The following AOPEP variants were observed in gnomAD, a reference collection of about 807,000 sequenced individuals.
The protein encoded by AOPEP is aminopeptidase O.
In AOPEP, 77 loss-of-function variants were observed where a neutral mutation model predicts 98.1. The observed-to-expected ratio is 0.78, with a 90% CI of 0.65 to 0.95. The LOEUF (loss-of-function observed/expected upper bound fraction) is 0.95, where lower values mean the gene tolerates loss of function less well. Among genes scored for constraint, AOPEP ranks in the 40% least tolerant of loss-of-function variants. The probability of loss-of-function intolerance (pLI) is 0.00; values close to 1 mark genes in which losing one functional copy is unlikely to be tolerated. For synonymous variants in AOPEP, 346 were observed against 365.3 expected (o/e 0.95, Z 0.60); for missense variants, 1,024 against 1,024.7 (o/e 1.00, Z 0.01).
intron 5 of AOPEP, among the ~76,000 whole-genome samples, chr9:94,821,195 G>A (rs1159965147): frequency 1.3e-5 from 2 of 152,012 alleles, no homozygotes; most frequent in Non-Finnish European, 2.9e-5. Context: ...TATTTATTTA[G>A]GTGGTGCCTT....
chr9:95,123,558 A>G, the AOPEP span: 1 of 548,706 alleles, frequency 1.8e-6, no homozygotes. Flanking sequence ...CGTACCAAAA[A>G]GGGCCGCGGC....
chr9:95,039,286 G>T (rs2065089608), intron 13 of AOPEP, among the ~76,000 whole-genome samples: 1 of 152,120 alleles, frequency 6.6e-6, no homozygotes, highest in Non-Finnish European at 1.5e-5. Flanking sequence ...GAAATTGTTG[G>T]CCAGGTGCGG....
At chr9:94,793,044 T>A in intron 4 of AOPEP, 126 bp downstream of exon 4, 1 of 1,100,538 alleles carries the variant, frequency 9.1e-7, no homozygotes, top group African/African-American at 1.6e-5. Context: ...AAAATAGGAT[T>A]AATCAAAGCA....
intron 3 of AOPEP, among the ~76,000 whole-genome samples, chr9:94,783,657 G>A (rs931140223): frequency 4.6e-5 from 7 of 152,036 alleles, no homozygotes; most frequent in African/African-American, 1.4e-4. Flanking sequence ...TCTCCTTTTC[G>A]TGAATGTATT....
At chr9:94,975,545 C>G (rs1480428961) in intron 10 of AOPEP, among the ~76,000 whole-genome samples, 1 of 152,180 alleles carries the variant, frequency 6.6e-6, no homozygotes, top group East Asian at 1.9e-4. Context: ...CACATGCTTC[C>G]TACGGAAAGT....
the AOPEP span, among the ~76,000 whole-genome samples, chr9:95,097,971 A>C: frequency 0.012 from 1,784 of 152,284 alleles, 36 homozygotes; most frequent in African/African-American, 0.041. Context: ...GAAGAACTTT[A>C]GCACCCGAGC....
At chr9:95,007,090 C>T (rs545728696) in intron 13 of AOPEP, among the ~76,000 whole-genome samples, 2 of 151,954 alleles carry the variant, frequency 1.3e-5, no homozygotes, top group South Asian at 2.1e-4. Flanking sequence ...TTAGTAGAGA[C>T]GGGGTTTCAC....
At chr9:94,797,111 G>A (rs529332030) in intron 4 of AOPEP, among the ~76,000 whole-genome samples, 1 of 152,312 alleles carries the variant, frequency 6.6e-6, no homozygotes, top group South Asian at 2.1e-4. Flanking sequence ...AGTCGGTGCT[G>A]AATCTATGGA....
intron 16 of AOPEP, chr9:95,085,599 C>T (rs527921188): frequency 8.1e-5 from 34 of 417,474 alleles, no homozygotes; most frequent in African/African-American, 4.8e-4. Flanking sequence ...ACGGGCCGGC[C>T]GCTGCTGCAC....
At chr9:95,129,401 G>A in the AOPEP span, among the ~76,000 whole-genome samples, 851 of 152,086 alleles carry the variant, frequency 5.6e-3, 9 homozygotes, top group African/African-American at 0.02. Context: ...TTTAATACAC[G>A]CTTCTTTGGA....
the AOPEP span, among the ~76,000 whole-genome samples, chr9:95,124,140 C>G: frequency 7.1e-6 from 1 of 140,202 alleles, no homozygotes; most frequent in Non-Finnish European, 1.5e-5. Flanking sequence ...GTAGAAATAT[C>G]GGCTAAAACC....
At chr9:94,958,861 CA>C (rs1438044124) in intron 9 of AOPEP, among the ~76,000 whole-genome samples, 2 of 152,030 alleles carry the variant, frequency 1.3e-5, no homozygotes, top group African/African-American at 2.4e-5. Flanking sequence ...CTTTAGAGCA[CA>C]AAAGTTTTTA....
At chr9:95,135,088 T>G in the AOPEP span, among the ~76,000 whole-genome samples, 1 of 152,242 alleles carries the variant, frequency 6.6e-6, no homozygotes, top group South Asian at 2.1e-4. Context: ...AAGTCTGTTG[T>G]GCAAATGTCA....
chr9:94,950,294 CA>C (rs1246856631), intron 7 of AOPEP, among the ~76,000 whole-genome samples: 2 of 152,218 alleles, frequency 1.3e-5, no homozygotes, highest in African/African-American at 4.8e-5. Context: ...ATAATAGCCA[CA>C]TTTACATTGA....
intron 7 of AOPEP, among the ~76,000 whole-genome samples, chr9:94,950,496 C>T (rs906030872): frequency 6.6e-6 from 1 of 152,198 alleles, no homozygotes; most frequent in Non-Finnish European, 1.5e-5. Flanking sequence ...GCTCCTTCCC[C>T]TGCAGGTCTC....
chr9:94,870,894 C>T (rs1485573270), intron 5 of AOPEP, among the ~76,000 whole-genome samples: 2 of 152,188 alleles, frequency 1.3e-5, no homozygotes, highest in Non-Finnish European at 2.9e-5. Context: ...GTCTGGCTGG[C>T]CTTCATAAGG....
chr9:95,042,727 T>G (rs1458381210), intron 13 of AOPEP, among the ~76,000 whole-genome samples: 1 of 152,148 alleles, frequency 6.6e-6, no homozygotes, highest in African/African-American at 2.4e-5. Flanking sequence ...CTGCTGTCTT[T>G]TTGGTTCTCT....
rs908501088 is a variant in AOPEP, at chr9:94,972,162, C to CT, written c.1916+4364dup. Reference sequence around the variant, plus strand: ...GAGAGTAAATAACGGCCAAGGCATACTTTAGAGTTGCCACAGAAAAGACTT... The same window carrying CT: ...GAGAGTAAATAACGGCCAAGGCATACTTTTAGAGTTGCCACAGAAAAGACTT... On this transcript the variant is annotated intron_variant, in intron 10 of 16. Coordinates refer to ENST00000375315, the MANE Select transcript of AOPEP (RefSeq NM_001193329.3). This position sits in a 1 kb window ranked among gnomAD's most constrained non-coding sequence, Gnocchi z 4.2. Among the ~76,000 whole-genome samples the CT allele has an allele frequency of 3.3e-5, 5 of 152,146 alleles. No individual in the cohort carries two copies. The highest frequency in any genetic ancestry group is 1.2e-4 in the African/African-American group (5 of 41,428).
At chr9:94,782,439 A>G (rs1843501476) in intron 3 of AOPEP, among the ~76,000 whole-genome samples, 1 of 152,218 alleles carries the variant, frequency 6.6e-6, no homozygotes, top group South Asian at 2.1e-4. Flanking sequence ...TGGCCTGCCC[A>G]ATAGACTAGC....
Sources: gnomAD v4.1 joint callset for allele counts (sites outside exome capture counted in the v4.1 genomes callset) on GRCh38, gnomAD v4.1.1 for gene constraint, Gnocchi (gnomAD v3.1) non-coding constraint, MANE v1.5 for transcripts, NCBI Gene and HGNC (gene_info 2026-07-23, HGNC 2026-07-21) for gene names.